Variants in JAM2 observed in about 807,000 individuals in gnomAD.
JAM2 encodes junctional adhesion molecule 2, also known as junctional adhesion molecule B.
JAM2 carries 17 observed loss-of-function variants against 42.0 expected under a neutral mutation model. The observed-to-expected ratio is 0.40, with a 90% CI of 0.28 to 0.61. The LOEUF (loss-of-function observed/expected upper bound fraction) is 0.61, where lower values mean the gene tolerates loss of function less well. Ranked by LOEUF, JAM2 falls within the 20% of genes least tolerant of loss-of-function variation. The pLI, the probability that JAM2 is intolerant of heterozygous loss-of-function variation, is 0.37. For synonymous variants in JAM2, 118 were observed against 128.6 expected (o/e 0.92, Z 0.56); for missense variants, 319 against 358.3 (o/e 0.89, Z 0.89).
chr21:25,710,446 A>G (rs2034360034), intron 8 of JAM2, among the ~76,000 whole-genome samples: 3 of 152,216 alleles, frequency 2.0e-5, no homozygotes, highest in Admixed American at 2.0e-4. Flanking sequence ...ATAAGAGAAT[A>G]TACAATACAA....
chr21:25,662,161 T>G (rs372688166), intron 1 of JAM2, among the ~76,000 whole-genome samples: 7 of 152,282 alleles, frequency 4.6e-5, no homozygotes, highest in African/African-American at 1.7e-4. Flanking sequence ...TATTTATATA[T>G]TTTGAGAAGA....
In JAM2 at chr21:25,714,689, A is replaced by G; in HGVS notation, c.*17A>G. On this transcript the variant is annotated 3_prime_UTR_variant, in exon 10 of 10. Transcript: ENST00000480456. ...ATAATTTAAAGACTCCACTTTAGAGATACACCAAAGCCACCGTTGTTACAC... is the reference window on the plus strand; with the variant it reads ...ATAATTTAAAGACTCCACTTTAGAGGTACACCAAAGCCACCGTTGTTACAC... 1 of 1,484,626 alleles carries G rather than the reference A, an allele frequency of 6.7e-7. No homozygotes were observed. Among genetic ancestry groups the G allele is most frequent in the South Asian group, 1.3e-5 (1 of 76,088 alleles). The allele number at this position is 1,484,626 out of a possible 1,614,324, so 92.0% of individuals were successfully genotyped here.
At chr21:25,682,281 C>T (rs762152295) in intron 1 of JAM2, among the ~76,000 whole-genome samples, 7 of 152,186 alleles carry the variant, frequency 4.6e-5, no homozygotes, top group Middle Eastern at 3.2e-3. Context: ...TATAGAATGA[C>T]ATCCATAAAG....
At chr21:25,655,736 T>C (rs2032920920) in intron 1 of JAM2, among the ~76,000 whole-genome samples, 1 of 145,696 alleles carries the variant, frequency 6.9e-6, no homozygotes, top group East Asian at 2.1e-4. Context: ...CCTCAGGTGA[T>C]CCGCCTGCCT....
At chr21:25,697,942 C>T (rs1439623301) in intron 4 of JAM2, among the ~76,000 whole-genome samples, 1 of 151,370 alleles carries the variant, frequency 6.6e-6, no homozygotes, top group Non-Finnish European at 1.5e-5. Flanking sequence ...CACACACACA[C>T]ACACACACAC....
chr21:25,712,829 G>A (rs1414610598), intron 9 of JAM2, among the ~76,000 whole-genome samples: 5 of 152,202 alleles, frequency 3.3e-5, no homozygotes, highest in Admixed American at 3.3e-4. Flanking sequence ...CTTTGGTTAT[G>A]TGAAGCACTT....
intron 3 of JAM2, among the ~76,000 whole-genome samples, chr21:25,691,262 G>A (rs2033874973): frequency 6.6e-6 from 1 of 152,230 alleles, no homozygotes; most frequent in Non-Finnish European, 1.5e-5. Context: ...AAGACTACTA[G>A]CTGTAAGGTG....
intron 1 of JAM2, among the ~76,000 whole-genome samples, chr21:25,667,761 A>C (rs1209378399): frequency 1.3e-5 from 2 of 152,178 alleles, no homozygotes; most frequent in Admixed American, 1.3e-4. Flanking sequence ...TATGGCAAGC[A>C]TTGTTCTTCG....
chr21:25,667,333 G>A (rs2033248932), intron 1 of JAM2, among the ~76,000 whole-genome samples: 1 of 152,164 alleles, frequency 6.6e-6, no homozygotes, highest in South Asian at 2.1e-4. Context: ...TGTATTGTCA[G>A]AAGGTCAATA....
At chr21:25,697,169 A>T (rs1315841510) in intron 4 of JAM2, among the ~76,000 whole-genome samples, 2 of 151,910 alleles carry the variant, frequency 1.3e-5, no homozygotes, top group Non-Finnish European at 2.9e-5. Context: ...TGAATATCTG[A>T]CTTTTCCTTC....
chr21:25,712,072 G>A (rs760312558), intron 8 of JAM2: 2 of 389,350 alleles, frequency 5.1e-6, no homozygotes, highest in East Asian at 5.1e-5. Context: ...TCTGGTTTGT[G>A]TATTCCACAA....
chr21:25,692,516 A>G, intron 3 of JAM2: 1 of 188,912 alleles, frequency 5.3e-6, no homozygotes, highest in East Asian at 1.3e-4. Context: ...TGGAGTGGCC[A>G]GTGCCAGACA....
In JAM2 at chr21:25,693,836, C is replaced by G. The variant is rs760546194; in HGVS notation, c.322C>G (p.Arg108Gly). ...GACAAGAAGTGATGCGGGGAAATATCGTTGTGAAGTTAGTGCCCCATCTGA... is the reference window on the plus strand; with the variant it reads ...GACAAGAAGTGATGCGGGGAAATATGGTTGTGAAGTTAGTGCCCCATCTGA... ...NVTRSDAGKYRCEVSAPSEQG... is the reference protein window; with the variant it reads ...NVTRSDAGKYGCEVSAPSEQG... The change falls in exon 4 of 10, where the codon CGT (arginine) becomes GGT (glycine). Residue 108 changes from arginine (R) to glycine (G), a missense_variant. Physicochemically the swap from Arg to Gly is moderately radical, Grantham distance 125. Coordinates refer to ENST00000480456, the MANE Select transcript of JAM2 (RefSeq NM_021219.4). 4 of 1,614,016 alleles carry G rather than the reference C, an allele frequency of 2.5e-6. No individual in the cohort carries two copies. Among genetic ancestry groups the G allele is most frequent in the Non-Finnish European group, 3.4e-6 (4 of 1,179,906 alleles).
Position 25,717,522 on chromosome 21 carries a change from C to T in JAM2, c.*2850C>T. The T allele has an allele frequency of 8.9e-7, 1 of 1,118,828 alleles. No individual in the cohort carries two copies. Among genetic ancestry groups the T allele is most frequent in the Non-Finnish European group, 1.2e-6 (1 of 844,978 alleles). 69.3% of individuals were successfully genotyped at this position (1,118,828 alleles called of 1,614,324 possible). ...CTTTGCAAAGAACTTCCTTTTTCCACAGGTGGCTTTGTTCGATTAAAGTCT... is the reference window on the plus strand; with the variant it reads ...CTTTGCAAAGAACTTCCTTTTTCCATAGGTGGCTTTGTTCGATTAAAGTCT... On this transcript the variant is annotated 3_prime_UTR_variant, in exon 10 of 10. Coordinates refer to ENST00000480456, the MANE Select transcript of JAM2 (RefSeq NM_021219.4).
chr21:25,646,682 GGCCA>G (rs2032623722), intron 1 of JAM2, among the ~76,000 whole-genome samples: 1 of 152,150 alleles, frequency 6.6e-6, no homozygotes, highest in Non-Finnish European at 1.5e-5. Context: ...TGAATCTTCA[GGCCA>G]GTGAATGGGT....
At chr21:25,666,733 A>C (rs1233802766) in intron 1 of JAM2, among the ~76,000 whole-genome samples, 7 of 151,968 alleles carry the variant, frequency 4.6e-5, no homozygotes, top group Non-Finnish European at 5.9e-5. Flanking sequence ...ATAGGATCTC[A>C]CTGTGTTGCC....
chr21:25,714,788 A>C lies in JAM2; in HGVS notation c.*116A>C, dbSNP rs933758304. On this transcript the variant is annotated 3_prime_UTR_variant, in exon 10 of 10. Transcript: ENST00000480456. ...AGGTACACGAGGAAATGGAATTGGT[A>C]TTTCATTTTAATTTTCATGACTACT... The C allele has an allele frequency of 9.1e-6, 6 of 660,580 alleles. No individual in the cohort carries two copies. The Admixed American group carries it at 1.8e-4, about 20-fold the overall frequency. 40.9% of individuals were successfully genotyped at this position (660,580 alleles called of 1,614,324 possible). A position where few individuals can be genotyped will look rare whatever the true frequency, so the allele number is the denominator to read the frequency against.
At chr21:25,649,000 C>T (rs1485838484) in intron 1 of JAM2, among the ~76,000 whole-genome samples, 1 of 152,198 alleles carries the variant, frequency 6.6e-6, no homozygotes, top group Non-Finnish European at 1.5e-5. Flanking sequence ...CTCCCTCCTC[C>T]TCTTTTTAAC....
chr21:25,688,628 T>C (rs2033808754), intron 2 of JAM2, among the ~76,000 whole-genome samples: 1 of 152,228 alleles, frequency 6.6e-6, no homozygotes, highest in Non-Finnish European at 1.5e-5. Context: ...ACTTTAGACA[T>C]TCTTGAAAAC....
Sources: gnomAD v4.1 joint callset for allele counts (sites outside exome capture counted in the v4.1 genomes callset) on GRCh38, gnomAD v4.1.1 for gene constraint, MANE v1.5 for transcripts, NCBI Gene and HGNC (gene_info 2026-07-23, HGNC 2026-07-21) for gene names.